Variants in VRK1 observed in about 807,000 individuals in gnomAD.
The protein encoded by VRK1 is VRK serine/threonine kinase 1.
In VRK1, 33 loss-of-function variants were observed where a neutral mutation model predicts 57.1. That is an observed-to-expected ratio of 0.58 (90% CI 0.44 to 0.77). The LOEUF (loss-of-function observed/expected upper bound fraction) is 0.77, where lower values mean the gene tolerates loss of function less well. Among genes scored for constraint, VRK1 ranks in the 30% least tolerant of loss-of-function variants. The probability of loss-of-function intolerance (pLI) is 0.00; values close to 1 mark genes in which losing one functional copy is unlikely to be tolerated. For synonymous variants in VRK1, 137 were observed against 147.8 expected (o/e 0.93, Z 0.53); for missense variants, 413 against 477.3 (o/e 0.87, Z 1.25).
intron 1 of VRK1, among the ~76,000 whole-genome samples, chr14:96,827,702 G>A (rs1886852752): frequency 6.6e-6 from 1 of 151,950 alleles, no homozygotes; most frequent in Admixed American, 6.6e-5. Context: ...ACATCTATTA[G>A]CACTTGACAA....
intron 3 of VRK1, among the ~76,000 whole-genome samples, chr14:96,839,661 C>T (rs578032038): frequency 1.3e-5 from 2 of 152,290 alleles, no homozygotes; most frequent in South Asian, 4.1e-4. Flanking sequence ...TGGAGTGCCT[C>T]TTCCATTCTT....
chr14:96,853,345 A>G (rs1416140793), intron 7 of VRK1, among the ~76,000 whole-genome samples, 179 bp downstream of exon 7: 1 of 152,140 alleles, frequency 6.6e-6, no homozygotes, highest in Non-Finnish European at 1.5e-5. Flanking sequence ...ATTTGTTGGC[A>G]CTTTATCAAG....
At chr14:96,877,585 C>A (rs958839289) in intron 12 of VRK1, 10 of 1,289,210 alleles carry the variant, frequency 7.8e-6, no homozygotes, top group Non-Finnish European at 1.0e-5. Flanking sequence ...TGAGTGGGAA[C>A]AAAATTAAGG....
chr14:96,863,926 T>C (rs1888482307), intron 11 of VRK1, among the ~76,000 whole-genome samples: 1 of 152,202 alleles, frequency 6.6e-6, no homozygotes, highest in South Asian at 2.1e-4. Flanking sequence ...CTGAAGGGAT[T>C]GCACCTCGTA....
intron 7 of VRK1, among the ~76,000 whole-genome samples, chr14:96,854,514 A>G (rs1888072315): frequency 6.6e-6 from 1 of 152,182 alleles, no homozygotes; most frequent in Admixed American, 6.5e-5. Context: ...ATGTGTGGCT[A>G]TGGAATGGAA....
At chr14:96,826,986 C>G (rs748201074) in intron 1 of VRK1, among the ~76,000 whole-genome samples, 1 of 152,120 alleles carries the variant, frequency 6.6e-6, no homozygotes, top group African/African-American at 2.4e-5. Flanking sequence ...GAAAGGGAAC[C>G]TGAGACACAG....
chr14:96,797,717 T>A (rs1208796042), intron 1 of VRK1, among the ~76,000 whole-genome samples: 1 of 152,162 alleles, frequency 6.6e-6, no homozygotes, highest in Non-Finnish European at 1.5e-5. Context: ...GGCCCCCATC[T>A]GAGCTCCACG....
chr14:96,818,596 A>G (rs747776834), intron 1 of VRK1, among the ~76,000 whole-genome samples: 1 of 152,110 alleles, frequency 6.6e-6, no homozygotes, highest in South Asian at 2.1e-4. Context: ...GTTCACTTCT[A>G]TATCTCATGG....
chr14:96,841,382 A>G (rs763191067), intron 3 of VRK1, among the ~76,000 whole-genome samples: 1 of 152,158 alleles, frequency 6.6e-6, no homozygotes, highest in Non-Finnish European at 1.5e-5. Flanking sequence ...TAAGTTTAAG[A>G]CCAAGTACCT....
At chr14:96,816,421 G>A (rs918410497) in intron 1 of VRK1, among the ~76,000 whole-genome samples, 10 of 152,176 alleles carry the variant, frequency 6.6e-5, no homozygotes, top group Non-Finnish European at 1.2e-4. Context: ...ATTGAGATAC[G>A]TAACCACAGA....
intron 11 of VRK1, among the ~76,000 whole-genome samples, chr14:96,873,313 A>G (rs1888900965): frequency 6.6e-6 from 1 of 152,210 alleles, no homozygotes; most frequent in African/African-American, 2.4e-5. Context: ...GTTCAAATGC[A>G]TCTAGCCTGT....
At chr14:96,857,100 G>A (rs563120253) in intron 10 of VRK1, among the ~76,000 whole-genome samples, 1 of 152,180 alleles carries the variant, frequency 6.6e-6, no homozygotes, top group African/African-American at 2.4e-5. Context: ...TTTATTGTGT[G>A]CCAGGGACTG....
At chr14:96,842,683 G>A (rs1887512954) in intron 3 of VRK1, among the ~76,000 whole-genome samples, 1 of 152,154 alleles carries the variant, frequency 6.6e-6, no homozygotes, top group Non-Finnish European at 1.5e-5. Flanking sequence ...ATCACACAGT[G>A]GTTCTCAATC....
At chr14:96,875,877 C>T (rs983714315) in intron 11 of VRK1, among the ~76,000 whole-genome samples, 153 bp from the exon 12 acceptor site, 1 of 152,138 alleles carries the variant, frequency 6.6e-6, no homozygotes, top group Non-Finnish European at 1.5e-5. Flanking sequence ...CTTTAGGTAA[C>T]TACTATCCTG....
chr14:96,855,919 AAAGTAG>A (rs1383789592), intron 8 of VRK1, among the ~76,000 whole-genome samples: 1 of 152,200 alleles, frequency 6.6e-6, no homozygotes, highest in Non-Finnish European at 1.5e-5. Context: ...TTTGGGTTTT[AAAGTAG>A]ATTATTAGCT....
intron 12 of VRK1, among the ~76,000 whole-genome samples, chr14:96,880,395 C>T (rs576117224): frequency 7.2e-5 from 11 of 152,240 alleles, no homozygotes; most frequent in African/African-American, 2.4e-4. Context: ...CCTGGCAGAG[C>T]GTAGCATGCG....
At chr14:96,844,527 C>A (rs1376316380) in intron 3 of VRK1, among the ~76,000 whole-genome samples, 2 of 152,052 alleles carry the variant, frequency 1.3e-5, no homozygotes, top group African/African-American at 2.4e-5. Flanking sequence ...ATTGGCTAAT[C>A]CGTTTTCCTC....
At chr14:96,809,570 C>CTTGCT (rs1555358121) in intron 1 of VRK1, among the ~76,000 whole-genome samples, 19 of 128,530 alleles carry the variant, frequency 1.5e-4, no homozygotes, top group African/African-American at 3.5e-4. Flanking sequence ...TGCTTGCTTT[C>CTTGCT]TTTTTTTTTT....
chr14:96,809,773 A>G (rs545129616), intron 1 of VRK1, among the ~76,000 whole-genome samples: 1 of 151,988 alleles, frequency 6.6e-6, no homozygotes, highest in Non-Finnish European at 1.5e-5. Flanking sequence ...GGGTTTCTCC[A>G]TGTTGGCCAG....
Sources: allele counts gnomAD v4.1 joint callset (sites outside exome capture counted in the v4.1 genomes callset), GRCh38; gene constraint gnomAD v4.1.1; transcripts MANE v1.5; gene names NCBI Gene and HGNC (gene_info 2026-07-23, HGNC 2026-07-21).